Variants in TLDC2 observed in about 807,000 individuals in gnomAD.
TLDC2 encodes the protein TBC/LysM-associated domain containing 2, also known as TLD domain-containing protein 2.
A neutral mutation model predicts 27.9 loss-of-function variants in TLDC2; 23 were observed. The ratio of observed to expected loss-of-function variants is 0.82; its 90% CI spans 0.59 to 1.17. The LOEUF (loss-of-function observed/expected upper bound fraction) is 1.17. TLDC2 is among the 50% of genes most tolerant of loss of function. The pLI, the probability that TLDC2 is intolerant of heterozygous loss-of-function variation, is 0.00. For missense variants in TLDC2, 286 were observed against 273.4 expected, an observed-to-expected ratio of 1.05 and a Z score of -0.32; for synonymous variants, 124 against 107.4, an observed-to-expected ratio of 1.16 and a Z score of -0.96.
At chr20:36,885,884 G>A (rs1383657739) in intron 4 of TLDC2, among the ~76,000 whole-genome samples, 1 of 152,146 alleles carries the variant, frequency 6.6e-6, no homozygotes. Flanking sequence ...TGGGAGGAAG[G>A]GCTACTTCAG....
intron 4 of TLDC2, among the ~76,000 whole-genome samples, chr20:36,882,650 G>A (rs564748490): frequency 6.6e-6 from 1 of 152,272 alleles, no homozygotes; most frequent in African/African-American, 2.4e-5. Flanking sequence ...CAGTCATCTG[G>A]TCTCATGACA....
intron 6 of TLDC2, chr20:36,890,546 C>T (rs1352293534): frequency 6.6e-6 from 1 of 151,946 alleles, no homozygotes; most frequent in Non-Finnish European, 1.5e-5. Flanking sequence ...CTCACTGCAA[C>T]CTCTGCCTCC....
At chr20:36,889,511 C>A in intron 6 of TLDC2, 108 bp downstream of exon 6, 1 of 1,355,298 alleles carries the variant, frequency 7.4e-7, no homozygotes, top group Non-Finnish European at 9.8e-7. Context: ...AGGCTGCTGG[C>A]CAGCCTCCTT....
rs1438495012 is a variant in TLDC2, at chr20:36,887,449, A to AC, written c.439-3dup. 1.2e-6 allele frequency: 2 copies of AC among 1,613,410 alleles called. No individual in the cohort carries two copies. Among genetic ancestry groups the AC allele is most frequent in the Non-Finnish European group, 1.7e-6 (2 of 1,179,370 alleles). ...TAACCTGAGCCTTTCCCTATGTATC[A>AC]CCCAGGTCTTTAAGTGGACTGGAAG... On this transcript the variant is annotated splice_region_variant and splice_polypyrimidine_tract_variant and intron_variant, in intron 4 of 6. Transcript: ENST00000217320.
intron 4 of TLDC2, among the ~76,000 whole-genome samples, chr20:36,883,081 A>T (rs1568750340): frequency 6.7e-6 from 1 of 150,366 alleles, no homozygotes; most frequent in Non-Finnish European, 1.5e-5. Flanking sequence ...TGGACTCCAA[A>T]CTCACGTATA....
Position 36,879,086 on chromosome 20 carries a change from C to G in TLDC2, c.235C>G (p.Leu79Val). The change falls in exon 3 of 7, where the codon CTG becomes GTG. Residue 79 changes from leucine (L) to valine (V), a missense_variant. Coordinates refer to ENST00000217320, the MANE Select transcript of TLDC2 (RefSeq NM_080628.3). ...AAGAGTCACCGGCCATCCCTGGAGT[C>G]TGGTCTTCTGCACGTCAAGGGACGG... ...PPRVTGHPWS[L>V]VFCTSRDGFS... 6.2e-7 allele frequency: 1 copy of G among 1,614,190 alleles called. No homozygotes were observed. The highest frequency in any genetic ancestry group is 8.5e-7 in the Non-Finnish European group (1 of 1,180,028).
At chr20:36,891,623 G>A (rs1011091024) in intron 6 of TLDC2, 4 of 152,290 alleles carry the variant, frequency 2.6e-5, no homozygotes, top group Admixed American at 6.5e-5. Context: ...CTGGGAAAAC[G>A]AAGTTACCTA....
rs1439094067 is a variant in TLDC2, at chr20:36,893,841, C to T, written c.*997C>T. ...CTCTTCCTCTCCCTACTCTGTCTCACAGGAGCTACTCCGGTAAATTACATT... is the reference window on the plus strand; with the variant it reads ...CTCTTCCTCTCCCTACTCTGTCTCATAGGAGCTACTCCGGTAAATTACATT... On this transcript the variant is annotated 3_prime_UTR_variant, in exon 7 of 7. Coordinates refer to ENST00000217320, the MANE Select transcript of TLDC2 (RefSeq NM_080628.3). 2 of 398,508 alleles carry T rather than the reference C, an allele frequency of 5.0e-6. No individual in the cohort carries two copies. The highest frequency in any genetic ancestry group is 2.1e-5 in the African/African-American group (1 of 48,648). The allele number at this position is 398,508 out of a possible 1,614,324, so 24.7% of individuals were successfully genotyped here. A position where few individuals can be genotyped will look rare whatever the true frequency, so the allele number is the denominator to read the frequency against.
Position 36,879,118 on chromosome 20 carries a change from C to A in TLDC2, c.267C>A (p.Ser89Arg). 3.7e-6 allele frequency: 6 copies of A among 1,614,144 alleles called. No homozygotes were observed. The highest frequency in any genetic ancestry group is 5.1e-6 in the Non-Finnish European group (6 of 1,180,024). ...LVFCTSRDGF[S>R]LQSLYRRMEG... is the part of the protein sequence containing the mutation. ...TCTGCACGTCAAGGGACGGTTTCAG[C>A]CTGCAGAGCCTGTACCGGCGGATGG... The change falls in exon 3 of 7, where the codon AGC becomes AGA. Residue 89 changes from serine (S) to arginine (R), a missense_variant. Transcript: ENST00000217320.
intron 1 of TLDC2, among the ~76,000 whole-genome samples, chr20:36,877,110 G>T (rs1274543540): frequency 1.3e-5 from 2 of 152,156 alleles, no homozygotes; most frequent in African/African-American, 4.8e-5. Context: ...AGAAGGCCAG[G>T]CGCGGTGGCT....
rs746875084 is a variant in TLDC2 at position 36,886,604 on chromosome 20, A to G, written c.439-851A>G. Among the ~76,000 whole-genome samples the G allele has an allele frequency of 6.9e-4, 104 of 151,636 alleles. 1 individual carries two copies. Among genetic ancestry groups the G allele is most frequent in the African/African-American group, 1.5e-3 (61 of 41,484 alleles). On this transcript the variant is annotated intron_variant, in intron 4 of 6. Coordinates refer to ENST00000217320, the MANE Select transcript of TLDC2 (RefSeq NM_080628.3). ...GAGACTCTGTCTCAAAAGAGAGAGA[A>G]AAAAAATTTTTTTTAGAGATAGGGG...
chr20:36,891,432 A>C (rs537270421), intron 6 of TLDC2: 1 of 152,300 alleles, frequency 6.6e-6, no homozygotes, highest in Non-Finnish European at 1.5e-5. Context: ...GCATCAGAGC[A>C]GAAGACATTC....
At chr20:36,878,510 G>A (rs1005198613) in intron 2 of TLDC2, among the ~76,000 whole-genome samples, 23 of 152,162 alleles carry the variant, frequency 1.5e-4, no homozygotes, top group Non-Finnish European at 2.9e-4. Context: ...GAACCCAGCA[G>A]GCGGAGGTTG....
rs542743696 is a variant in TLDC2 at position 36,893,901 on chromosome 20, T to G, written c.*1057T>G. ...CCATGCCTGTTGGTTTCCAGTTAGATTTGGTCAGTGGGAGGCTCTGGTGGG... is the reference window on the plus strand; with the variant it reads ...CCATGCCTGTTGGTTTCCAGTTAGAGTTGGTCAGTGGGAGGCTCTGGTGGG... On this transcript the variant is annotated 3_prime_UTR_variant, in exon 7 of 7. Coordinates refer to ENST00000217320, the MANE Select transcript of TLDC2 (RefSeq NM_080628.3). The G allele has an allele frequency of 9.8e-4, 392 of 398,584 alleles. No homozygotes were observed. Among genetic ancestry groups the G allele is most frequent in the African/African-American group, 6.8e-3 (332 of 48,734 alleles). The allele number at this position is 398,584 out of a possible 1,614,324, so 24.7% of individuals were successfully genotyped here. A position where few individuals can be genotyped will look rare whatever the true frequency, so the allele number is the denominator to read the frequency against.
At chr20:36,888,065 G>A (rs1376208497) in intron 5 of TLDC2, among the ~76,000 whole-genome samples, 4 of 152,158 alleles carry the variant, frequency 2.6e-5, no homozygotes, top group Admixed American at 1.3e-4. Flanking sequence ...AGCCTCCACT[G>A]AGGGGCAGCT....
intron 4 of TLDC2, among the ~76,000 whole-genome samples, chr20:36,886,923 C>A (rs899838864): frequency 3.3e-5 from 5 of 152,100 alleles, no homozygotes; most frequent in African/African-American, 7.2e-5. Flanking sequence ...GAACAGATCA[C>A]GCAGATTGCA....
chr20:36,887,633 G>C (rs988900498), intron 5 of TLDC2, 105 bp downstream of exon 5: 9 of 1,091,034 alleles, frequency 8.2e-6, no homozygotes, highest in Non-Finnish European at 1.1e-5. Flanking sequence ...GGCGAGGCTA[G>C]TGGGGAACTC....
At chr20:36,890,396 C>CTTTCTTTCTTTCTTTCTTTCTTTCTT (rs1555830173) in intron 6 of TLDC2, 2 of 142,450 alleles carry the variant, frequency 1.4e-5, no homozygotes, top group African/African-American at 5.2e-5. Context: ...ATATTTCTTT[C>CTTTCTTTCTTTCTTTCTTTCTTTCTT]TCTTTCTTTC....
At chr20:36,877,715 G>A (rs1989704481) in intron 1 of TLDC2, among the ~76,000 whole-genome samples, 184 bp from the exon 2 acceptor site, 1 of 152,212 alleles carries the variant, frequency 6.6e-6, no homozygotes, top group Non-Finnish European at 1.5e-5. Context: ...GAGGAAGCAG[G>A]CTGGCGGCAG....
Sources: gnomAD v4.1 joint callset for allele counts (sites outside exome capture counted in the v4.1 genomes callset) on GRCh38, gnomAD v4.1.1 for gene constraint, MANE v1.5 for transcripts, NCBI Gene and HGNC (gene_info 2026-07-23, HGNC 2026-07-21) for gene names.